The following GAREM1 variants were observed in gnomAD, a reference collection of about 807,000 sequenced individuals.
GAREM1 encodes the protein GRB2 associated regulator of MAPK1 subtype 1, also known as GRB2-associated and regulator of MAPK protein 1.
In GAREM1, 26 loss-of-function variants were observed where a neutral mutation model predicts 71.3. That is an observed-to-expected ratio of 0.36 (90% CI 0.27 to 0.51). The LOEUF (loss-of-function observed/expected upper bound fraction) is 0.51. GAREM1 is among the 20% of genes least tolerant of loss of function. The pLI is 0.95. For missense variants in GAREM1, 1,026 were observed against 1,103.1 expected, an observed-to-expected ratio of 0.93 and a Z score of 0.99; for synonymous variants, 440 against 433.2, an observed-to-expected ratio of 1.02 and a Z score of -0.20.
intron 1 of GAREM1, among the ~76,000 whole-genome samples, chr18:32,457,024 A>T (rs976775958): frequency 3.9e-5 from 6 of 152,028 alleles, no homozygotes; most frequent in Admixed American, 6.6e-5. Context: ...GAGTATGAAG[A>T]AGATATGAAG....
At chr18:32,274,492 C>G (rs530365758) in intron 4 of GAREM1, among the ~76,000 whole-genome samples, 2 of 152,178 alleles carry the variant, frequency 1.3e-5, no homozygotes, top group Non-Finnish European at 2.9e-5. Context: ...GCATGTGGCT[C>G]TCATCATGTT....
intron 2 of GAREM1, among the ~76,000 whole-genome samples, chr18:32,321,359 C>T (rs78475408): frequency 1.3e-5 from 2 of 152,132 alleles, no homozygotes; most frequent in Non-Finnish European, 2.9e-5. Context: ...GCAAAAATAT[C>T]GACCCTTTTA....
chr18:32,361,460 A>C (rs2047864769), intron 2 of GAREM1, among the ~76,000 whole-genome samples: 1 of 152,248 alleles, frequency 6.6e-6, no homozygotes, highest in South Asian at 2.1e-4. Context: ...TTAAGAATAT[A>C]TTACTTCTGA....
chr18:32,371,911 C>T (rs1266328605), intron 2 of GAREM1, among the ~76,000 whole-genome samples: 1 of 152,012 alleles, frequency 6.6e-6, no homozygotes, highest in African/African-American at 2.4e-5. Flanking sequence ...AAGCAGGATG[C>T]ATTGAGGACC....
At chr18:32,344,496 A>C (rs1026736332) in intron 2 of GAREM1, among the ~76,000 whole-genome samples, 1 of 152,206 alleles carries the variant, frequency 6.6e-6, no homozygotes, top group African/African-American at 2.4e-5. Context: ...AACAGAAATT[A>C]TCAGTAATTA....
intron 2 of GAREM1, among the ~76,000 whole-genome samples, chr18:32,327,349 T>C (rs930455002): frequency 6.6e-6 from 1 of 152,242 alleles, no homozygotes; most frequent in Non-Finnish European, 1.5e-5. Flanking sequence ...GATTCACTAA[T>C]GTACTCATGT....
At chr18:32,393,067 G>C in intron 1 of GAREM1, 32 bp from the exon 2 acceptor site, 1 of 1,594,120 alleles carries the variant, frequency 6.3e-7, no homozygotes, top group Non-Finnish European at 8.6e-7. Context: ...GAGAAACTTA[G>C]AATTCATAAT....
chr18:32,268,877 G>C, intron 5 of GAREM1, 109 bp from the exon 6 acceptor site: 3 of 845,710 alleles, frequency 3.5e-6, no homozygotes, highest in Non-Finnish European at 5.4e-6. Context: ...AGTTAGTTTT[G>C]AATTCAATAA....
chr18:32,439,308 T>G (rs1244070397), intron 1 of GAREM1, among the ~76,000 whole-genome samples: 1 of 152,128 alleles, frequency 6.6e-6, no homozygotes, highest in Non-Finnish European at 1.5e-5. Flanking sequence ...CAAAAGAACA[T>G]GCATGGAAGG....
intron 2 of GAREM1, among the ~76,000 whole-genome samples, chr18:32,346,752 A>T (rs2047701055): frequency 6.6e-6 from 1 of 152,218 alleles, no homozygotes; most frequent in East Asian, 1.9e-4. Flanking sequence ...CTTAAGAGAG[A>T]ATCTGATTCA....
rs761082856 is a variant in GAREM1, at chr18:32,287,055, A to C, written c.1542T>G (p.Pro514=). The C allele has an allele frequency of 6.2e-6, 10 of 1,613,404 alleles. No homozygotes were observed. The highest frequency in any genetic ancestry group is 8.5e-6 in the Non-Finnish European group (10 of 1,179,584). ...CGGCTTCAGATTTGGGAGGCACTGG[A>C]GGTGGAGGTAGGGCAGTATCTGAAG... is the stretch of plus-strand genomic sequence containing the variant. The part of the protein sequence containing the change: ...VKSSDTALPP[P]PVPPKSEAVR... The change falls in exon 4 of 6, where the codon CCT becomes CCG. Residue 514 remains proline (P), a synonymous_variant. Transcript: ENST00000269209. The surrounding 1 kb of genome is among the most constrained non-coding windows in gnomAD (Gnocchi z 5.9).
chr18:32,321,853 T>A (rs1007339847), intron 2 of GAREM1, among the ~76,000 whole-genome samples: 1 of 152,330 alleles, frequency 6.6e-6, no homozygotes, highest in African/African-American at 2.4e-5. Flanking sequence ...CAGGAAACCA[T>A]CCCTACACCA....
intron 3 of GAREM1, among the ~76,000 whole-genome samples, chr18:32,305,817 G>A (rs1598946855): frequency 6.6e-6 from 1 of 152,184 alleles, no homozygotes; most frequent in South Asian, 2.1e-4. Context: ...ACTGCACCCA[G>A]CCCCCAGTGA....
intron 3 of GAREM1, among the ~76,000 whole-genome samples, chr18:32,297,167 C>T (rs2047149515): frequency 6.6e-6 from 1 of 152,140 alleles, no homozygotes; most frequent in African/African-American, 2.4e-5. Flanking sequence ...CTCTCTGTTT[C>T]TTACAGTAAA....
rs946777619 is a variant in GAREM1, at chr18:32,363,925, A to AT, written c.262+28969_262+28970insA. Among the ~76,000 whole-genome samples, 9 of 131,054 alleles carry AT rather than the reference A, an allele frequency of 6.9e-5. No individual in the cohort carries two copies. The South Asian group carries it at 9.5e-4, about 14-fold the overall frequency. 86.0% of individuals were successfully genotyped at this position (131,054 alleles called of 152,430 possible). On this transcript the variant is annotated intron_variant, in intron 2 of 5. Coordinates refer to ENST00000269209, the MANE Select transcript of GAREM1 (RefSeq NM_001242409.2). ...TTATACACACACACACACATAAAAA[A>AT]ATATATATACACATACAAATGTATA...
At chr18:32,428,820 G>C (rs2048598086) in intron 1 of GAREM1, among the ~76,000 whole-genome samples, 1 of 152,136 alleles carries the variant, frequency 6.6e-6, no homozygotes, top group Admixed American at 6.5e-5. Flanking sequence ...TCAAGAATGA[G>C]TATGTGGAAT....
At chr18:32,391,007 T>G (rs1019871896) in intron 2 of GAREM1, among the ~76,000 whole-genome samples, 1 of 152,158 alleles carries the variant, frequency 6.6e-6, no homozygotes, top group Non-Finnish European at 1.5e-5. Context: ...CTTCAGGTGT[T>G]TTTTAGAATT....
intron 1 of GAREM1, among the ~76,000 whole-genome samples, chr18:32,396,664 C>A (rs2144664646): frequency 6.6e-6 from 1 of 152,234 alleles, no homozygotes; most frequent in South Asian, 2.1e-4. Flanking sequence ...TGTGAAAAGA[C>A]CAAATCTACG....
intron 1 of GAREM1, among the ~76,000 whole-genome samples, chr18:32,422,446 G>A (rs1035952534): frequency 6.6e-6 from 1 of 152,056 alleles, no homozygotes; most frequent in Non-Finnish European, 1.5e-5. Context: ...TTTCGTATTT[G>A]TAGGTCTGCC....
Sources: gnomAD v4.1 joint callset for allele counts (sites outside exome capture counted in the v4.1 genomes callset) on GRCh38, gnomAD v4.1.1 for gene constraint, Gnocchi (gnomAD v3.1) non-coding constraint, MANE v1.5 for transcripts, NCBI Gene and HGNC (gene_info 2026-07-23, HGNC 2026-07-21) for gene names.